The following CD36 variants were observed in gnomAD, a reference collection of about 807,000 sequenced individuals.
CD36 encodes CD36 molecule (CD36 blood group), also known as platelet glycoprotein 4.
CD36 carries 119 observed loss-of-function variants against 55.2 expected under a neutral mutation model. The observed-to-expected ratio is 2.15, with a 90% confidence interval of 1.86 to 2.51. The LOEUF (loss-of-function observed/expected upper bound fraction) is 2.51. CD36 is among the 30% of genes most tolerant of loss of function. The pLI is 0.00. For synonymous variants in CD36, 186 were observed against 193.6 expected (o/e 0.96, Z 0.33); for missense variants, 819 against 555.5 (o/e 1.47, Z -4.77).
At chr7:80,658,109 C>A (rs138132415) in intron 4 of CD36, among the ~76,000 whole-genome samples, 3 of 152,122 alleles carry the variant, frequency 2.0e-5, no homozygotes, top group Non-Finnish European at 4.4e-5. Flanking sequence ...TGTCTCTGTG[C>A]GCATCTGTGA....
rs1298375643 is a variant in CD36, at chr7:80,678,522, A to T, written c.*2139A>T. The T allele has an allele frequency of 6.6e-6, 1 of 152,170 alleles. No homozygotes were observed. Among genetic ancestry groups the T allele is most frequent in the Non-Finnish European group, 1.5e-5 (1 of 68,028 alleles). 9.4% of individuals were successfully genotyped at this position (152,170 alleles called of 1,614,324 possible). On this transcript the variant is annotated 3_prime_UTR_variant, in exon 15 of 15. Transcript: ENST00000447544. Reference sequence around the variant, plus strand: ...AGGAGGGTATCATTTCAAGAAAAAAAATAGCTATCACGCAATGGTTATCTC... The same window carrying T: ...AGGAGGGTATCATTTCAAGAAAAAATATAGCTATCACGCAATGGTTATCTC...
At chr7:80,615,534 G>T (rs1034191072) in intron 1 of CD36, among the ~76,000 whole-genome samples, 1 of 151,946 alleles carries the variant, frequency 6.6e-6, no homozygotes, top group Non-Finnish European at 1.5e-5. Flanking sequence ...TTCATCCATT[G>T]AAGCCCTTCT....
intron 5 of CD36, 109 bp from the exon 6 acceptor site, chr7:80,662,881 G>T: frequency 1.1e-6 from 1 of 875,592 alleles, no homozygotes; most frequent in Non-Finnish European, 1.8e-6. Context: ...TAATTTTAAA[G>T]ATAAGCTTTA....
chr7:80,671,271 A>C (rs560834800), intron 10 of CD36, 107 bp downstream of exon 10: 1 of 706,280 alleles, frequency 1.4e-6, no homozygotes, highest in Non-Finnish European at 2.4e-6. Flanking sequence ...AATATATCAT[A>C]ATTTGTGATA....
intron 1 of CD36, among the ~76,000 whole-genome samples, chr7:80,645,124 G>T (rs1795065909): frequency 1.3e-5 from 2 of 150,996 alleles, no homozygotes. Flanking sequence ...GGGTTCAAGC[G>T]ATTCTCCTGC....
chr7:80,614,549 A>C (rs1793039901), intron 1 of CD36, among the ~76,000 whole-genome samples: 1 of 152,130 alleles, frequency 6.6e-6, no homozygotes, highest in Admixed American at 6.6e-5. Context: ...TCTCTTGTAC[A>C]TTAGTCTGTG....
chr7:80,647,924 A>C (rs547087136), intron 3 of CD36, among the ~76,000 whole-genome samples: 1 of 152,096 alleles, frequency 6.6e-6, no homozygotes, highest in East Asian at 1.9e-4. Context: ...GGAGGAATTG[A>C]ATTTTTATTA....
At chr7:80,656,841 C>A in intron 4 of CD36, 141 bp downstream of exon 4, 1 of 745,478 alleles carries the variant, frequency 1.3e-6, no homozygotes, top group South Asian at 1.8e-5. Context: ...TTTTTCCTGT[C>A]TGTATAGAAT....
intron 3 of CD36, among the ~76,000 whole-genome samples, chr7:80,654,686 TC>T (rs1305490014): frequency 5.9e-5 from 9 of 152,112 alleles, no homozygotes; most frequent in Non-Finnish European, 1.0e-4. Flanking sequence ...TAATAAAGAT[TC>T]CATCACTCTA....
intron 1 of CD36, among the ~76,000 whole-genome samples, 169 bp downstream of exon 1, chr7:80,638,915 G>A (rs765958784): frequency 5.3e-5 from 8 of 151,502 alleles, no homozygotes; most frequent in Non-Finnish European, 8.8e-5. Flanking sequence ...TAAAAATCAG[G>A]TTTGCATTAT....
intron 1 of CD36, among the ~76,000 whole-genome samples, chr7:80,616,645 A>T (rs140822709): frequency 6.6e-6 from 1 of 152,154 alleles, no homozygotes; most frequent in Admixed American, 6.5e-5. Context: ...CAAGTAACAA[A>T]GTCCAAAAGA....
rs1463388933 is a variant in CD36 at position 80,670,005 on chromosome 7, T to A, written c.801T>A (p.Phe267Leu). 1 of 1,608,650 alleles carries A rather than the reference T, an allele frequency of 6.2e-7. No individual in the cohort carries two copies. The highest frequency in any genetic ancestry group is 8.5e-7 in the Non-Finnish European group (1 of 1,175,520). The part of the protein sequence containing the change: ...FVEKSQVLQF[F>L]SSDICRSIYA... ...AGAAAAGCCAGGTATTGCAGTTCTT[T>A]TCTTCTGATATTTGCAGGTAAGACA... The change falls in exon 9 of 15, where the codon TTT becomes TTA. Residue 267 changes from phenylalanine to leucine, a missense_variant. Coordinates refer to ENST00000447544, the MANE Select transcript of CD36 (RefSeq NM_001001548.3).
chr7:80,674,253 C>A, intron 14 of CD36, 106 bp downstream of exon 14: 1 of 769,540 alleles, frequency 1.3e-6, no homozygotes, highest in African/African-American at 1.7e-5. Context: ...TATTTCTAGA[C>A]ATGTCTAGCC....
intron 1 of CD36, among the ~76,000 whole-genome samples, chr7:80,607,005 G>A (rs1187861357): frequency 6.6e-6 from 1 of 151,860 alleles, no homozygotes; most frequent in Admixed American, 6.6e-5. Context: ...AATTCTATAT[G>A]GTTTACCAGC....
intron 1 of CD36, among the ~76,000 whole-genome samples, chr7:80,630,258 G>A (rs1414251299): frequency 1.3e-5 from 2 of 151,966 alleles, no homozygotes; most frequent in African/African-American, 4.8e-5. Flanking sequence ...TCTGTTAAGT[G>A]GATAAAGTGA....
At chr7:80,634,965 T>C (rs937135388), upstream of CD36, among the ~76,000 whole-genome samples, 2 of 152,026 alleles carry the variant, frequency 1.3e-5, no homozygotes, top group Non-Finnish European at 2.9e-5. Context: ...AATTGTCAAA[T>C]GTCCAAAGAC....
At chr7:80,606,693 G>A (rs1346864930) in intron 1 of CD36, among the ~76,000 whole-genome samples, 1 of 152,132 alleles carries the variant, frequency 6.6e-6, no homozygotes, top group East Asian at 1.9e-4. Flanking sequence ...GGTCATCTTG[G>A]AGATTTGCTA....
intron 4 of CD36, among the ~76,000 whole-genome samples, chr7:80,660,685 G>A (rs1000432594): frequency 3.3e-5 from 5 of 152,082 alleles, no homozygotes; most frequent in South Asian, 4.1e-4. Context: ...ACCATCTGCC[G>A]TACTTTACCT....
chr7:80,666,102 T>G, intron 7 of CD36: 1 of 303,534 alleles, frequency 3.3e-6, no homozygotes, highest in Non-Finnish European at 6.3e-6. Context: ...CTTATACTAC[T>G]GAGTAATTCA....
Sources: gnomAD v4.1 joint callset for allele counts (sites outside exome capture counted in the v4.1 genomes callset) on GRCh38, gnomAD v4.1.1 for gene constraint, MANE v1.5 for transcripts, NCBI Gene and HGNC (gene_info 2026-07-23, HGNC 2026-07-21) for gene names.